Variants in NCKAP5 observed in about 807,000 individuals in gnomAD.
NCKAP5 encodes nck-associated protein 5.
Under a neutral mutation model 167.0 loss-of-function variants are expected in NCKAP5, and 92 were observed. The ratio of observed to expected loss-of-function variants is 0.55; its 90% confidence interval spans 0.47 to 0.66. The LOEUF (loss-of-function observed/expected upper bound fraction) is 0.66, where lower values mean the gene tolerates loss of function less well. Among genes scored for constraint, NCKAP5 ranks in the 30% least tolerant of loss-of-function variants. NCKAP5 has a pLI of 0.00. For missense variants in NCKAP5, 2,378 were observed against 2,315.0 expected (o/e 1.03, Z -0.56); for synonymous variants, 891 against 877.4 (o/e 1.02, Z -0.27).
At chr2:133,188,412 C>A (rs1236537241) in intron 5 of NCKAP5, among the ~76,000 whole-genome samples, 3 of 152,012 alleles carry the variant, frequency 2.0e-5, no homozygotes, top group Non-Finnish European at 4.4e-5. Context: ...AGGAACTGAA[C>A]CCAGCTCTGC....
intron 2 of NCKAP5, among the ~76,000 whole-genome samples, chr2:133,517,808 T>C (rs1373312959): frequency 1.3e-5 from 2 of 151,992 alleles, no homozygotes; most frequent in African/African-American, 2.4e-5. Flanking sequence ...GCTAATGGAG[T>C]TGGGGAATGG....
intron 5 of NCKAP5, among the ~76,000 whole-genome samples, chr2:133,159,682 G>C (rs2083709209): frequency 6.6e-6 from 1 of 152,218 alleles, no homozygotes. Flanking sequence ...GCTCATGGTA[G>C]TTAGAGAAGG....
intron 11 of NCKAP5, among the ~76,000 whole-genome samples, chr2:132,827,311 T>C (rs1687198504): frequency 6.6e-6 from 1 of 152,310 alleles, no homozygotes; most frequent in South Asian, 2.1e-4. Context: ...GATAATCCAG[T>C]GGCATTAAGC....
the NCKAP5 span, among the ~76,000 whole-genome samples, chr2:133,581,478 C>T: frequency 1.3e-5 from 2 of 152,172 alleles, no homozygotes; most frequent in South Asian, 2.1e-4. Context: ...AGGCATCTGG[C>T]CCTGAGTCCT....
At chr2:133,619,048 C>A in the NCKAP5 span, among the ~76,000 whole-genome samples, 1 of 135,394 alleles carries the variant, frequency 7.4e-6, no homozygotes, top group African/African-American at 2.7e-5. Context: ...AGTAAACTAT[C>A]TCAAGAACAA....
At chr2:133,239,986 A>G (rs1219735837) in intron 4 of NCKAP5, among the ~76,000 whole-genome samples, 1 of 152,072 alleles carries the variant, frequency 6.6e-6, no homozygotes, top group African/African-American at 2.4e-5. Flanking sequence ...AATAACCCTT[A>G]CCAAAACTGA....
intron 8 of NCKAP5, among the ~76,000 whole-genome samples, chr2:132,894,952 T>C (rs1237599159): frequency 1.3e-5 from 2 of 152,160 alleles, no homozygotes; most frequent in Non-Finnish European, 2.9e-5. Flanking sequence ...AGCTTGGGCA[T>C]TGCCAGCATC....
intron 5 of NCKAP5, among the ~76,000 whole-genome samples, chr2:133,170,285 A>G (rs747603073): frequency 2.0e-5 from 3 of 152,168 alleles, no homozygotes; most frequent in South Asian, 2.1e-4. Context: ...CCAGCTCTGC[A>G]TCTTCCTAGC....
At chr2:132,821,759 C>T (rs1301712125) in intron 11 of NCKAP5, among the ~76,000 whole-genome samples, 2 of 152,102 alleles carry the variant, frequency 1.3e-5, no homozygotes, top group Admixed American at 6.5e-5. Flanking sequence ...TCCCCCACTT[C>T]CCTGGTGAAC....
intron 4 of NCKAP5, among the ~76,000 whole-genome samples, chr2:133,222,148 C>T (rs964556830): frequency 6.6e-6 from 1 of 151,990 alleles, no homozygotes; most frequent in African/African-American, 2.4e-5. Context: ...GATTAAGAAC[C>T]CCTTTACACT....
chr2:132,789,637 C>T (rs1205832645), intron 13 of NCKAP5, among the ~76,000 whole-genome samples: 3 of 152,194 alleles, frequency 2.0e-5, no homozygotes, highest in African/African-American at 7.2e-5. Context: ...AAATATTTCC[C>T]TTACATCAGT....
intron 8 of NCKAP5, among the ~76,000 whole-genome samples, chr2:132,918,075 C>T (rs1200515963): frequency 3.3e-5 from 5 of 152,160 alleles, no homozygotes; most frequent in African/African-American, 4.8e-5. Flanking sequence ...ACCTTTTAAA[C>T]TAATGGACTA....
chr2:132,839,205 G>A (rs1688116192), intron 11 of NCKAP5, among the ~76,000 whole-genome samples: 1 of 152,042 alleles, frequency 6.6e-6, no homozygotes, highest in Non-Finnish European at 1.5e-5. Context: ...AATTTTTATA[G>A]AATCAAATAA....
chr2:133,095,281 T>G (rs1443931942), intron 6 of NCKAP5, among the ~76,000 whole-genome samples: 1 of 152,242 alleles, frequency 6.6e-6, no homozygotes, highest in Non-Finnish European at 1.5e-5. Flanking sequence ...TGTTCCATAG[T>G]ATTCCATAGT....
In NCKAP5 at chr2:132,812,146, G is replaced by T. The variant is rs529519924; in HGVS notation, c.808-15417C>A. ...GGCATCTCCTGGGTCCTGCAGGAGC[G>T]GTCGCTTCCTTTGCAGGGTCTGTGA... On this transcript the variant is annotated intron_variant, in intron 11 of 19. Coordinates refer to ENST00000409261, the MANE Select transcript of NCKAP5 (RefSeq NM_207363.3). Among the ~76,000 whole-genome samples the T allele has an allele frequency of 2.0e-5, 3 of 152,258 alleles. No homozygotes were observed. The East Asian group carries it at 5.8e-4, about 29-fold the overall frequency.
chr2:133,515,100 A>G (rs1683872220), intron 3 of NCKAP5, among the ~76,000 whole-genome samples: 1 of 152,122 alleles, frequency 6.6e-6, no homozygotes, highest in Non-Finnish European at 1.5e-5. Context: ...AGAGGGCAAC[A>G]TCTTGAGTTC....
the NCKAP5 span, among the ~76,000 whole-genome samples, chr2:133,618,765 G>A: frequency 2.7e-5 from 4 of 147,836 alleles, no homozygotes; most frequent in South Asian, 2.2e-4. Flanking sequence ...CAGGGATCTA[G>A]AACTGGAAAT....
At chr2:133,000,850 T>C (rs767878354) in intron 6 of NCKAP5, among the ~76,000 whole-genome samples, 3 of 152,138 alleles carry the variant, frequency 2.0e-5, no homozygotes, top group Admixed American at 1.3e-4. Context: ...TCTCACAAAC[T>C]ATGCTAAGTT....
intron 3 of NCKAP5, among the ~76,000 whole-genome samples, chr2:133,416,419 T>G (rs1689110689): frequency 6.6e-6 from 1 of 152,204 alleles, no homozygotes; most frequent in African/African-American, 2.4e-5. Flanking sequence ...GGAACAACTT[T>G]TTCACATTCA....
Sources: gnomAD v4.1 joint callset for allele counts (sites outside exome capture counted in the v4.1 genomes callset) on GRCh38, gnomAD v4.1.1 for gene constraint, MANE v1.5 for transcripts, NCBI Gene and HGNC (gene_info 2026-07-23, HGNC 2026-07-21) for gene names.